The following CELF4 variants were observed in gnomAD, a reference collection of about 807,000 sequenced individuals.
CELF4 encodes CUGBP Elav-like family member 4, also known as CUG-BP- and ETR-3-like factor 4.
In CELF4, 18 loss-of-function variants were observed where a neutral mutation model predicts 59.9. The ratio of observed to expected loss-of-function variants is 0.30; its 90% CI spans 0.21 to 0.45. The LOEUF is 0.45. Ranked by LOEUF, CELF4 falls within the 20% of genes least tolerant of loss-of-function variation. The pLI is 1.00. For synonymous variants in CELF4, 261 were observed against 267.1 expected (o/e 0.98, Z 0.22); for missense variants, 456 against 689.0 (o/e 0.66, Z 3.79).
chr18:37,550,391 C>T (rs1177437872), intron 1 of CELF4, among the ~76,000 whole-genome samples: 1 of 152,158 alleles, frequency 6.6e-6, no homozygotes, highest in Non-Finnish European at 1.5e-5. Context: ...GAAAGCCACA[C>T]ATCCCACCCA....
At chr18:37,431,186 G>A (rs915745416) in intron 2 of CELF4, among the ~76,000 whole-genome samples, 5 of 152,214 alleles carry the variant, frequency 3.3e-5, no homozygotes, top group South Asian at 4.2e-4. Context: ...ACTCCCTGGC[G>A]TACAGTAGGT....
At chr18:37,328,150 C>T (rs1449106912) in intron 2 of CELF4, among the ~76,000 whole-genome samples, 2 of 152,242 alleles carry the variant, frequency 1.3e-5, no homozygotes, top group African/African-American at 2.4e-5. Flanking sequence ...CAGGACTGTG[C>T]TTCTTCCCTG....
intron 3 of CELF4, chr18:37,306,141 G>C (rs898401180): frequency 5.3e-5 from 8 of 152,248 alleles, no homozygotes; most frequent in East Asian, 1.9e-4. Flanking sequence ...GGGTCCTGGT[G>C]GGGGGCCAGG....
rs111880873 is a variant in CELF4, at chr18:37,457,874, G to T, written c.369+27651C>A. 4.3e-3 allele frequency among the ~76,000 whole-genome samples: 649 copies of T among 152,152 alleles called. 7 individuals carry two copies. The highest frequency in any genetic ancestry group is 0.032 in the South Asian group (154 of 4,814). ...TCCAGTCCTTTCTAGCATAATATCCGATGCTCCAAGGATCCAGCACAATCT... is the reference window on the plus strand; with the variant it reads ...TCCAGTCCTTTCTAGCATAATATCCTATGCTCCAAGGATCCAGCACAATCT... On this transcript the variant is annotated intron_variant, in intron 2 of 12. Coordinates refer to ENST00000420428, the MANE Select transcript of CELF4 (RefSeq NM_020180.4).
At chr18:37,543,780 G>A (rs1452663500) in intron 1 of CELF4, among the ~76,000 whole-genome samples, 1 of 152,166 alleles carries the variant, frequency 6.6e-6, no homozygotes, top group Non-Finnish European at 1.5e-5. Context: ...ACTTAGTATT[G>A]AAAAAACAAC....
At chr18:37,379,158 T>C (rs528650767) in intron 2 of CELF4, among the ~76,000 whole-genome samples, 1 of 152,280 alleles carries the variant, frequency 6.6e-6, no homozygotes, top group East Asian at 1.9e-4. Context: ...GGGCCTGGCC[T>C]AGGCAGGCAC....
intron 2 of CELF4, among the ~76,000 whole-genome samples, chr18:37,464,437 G>T (rs921432082): frequency 2.0e-5 from 3 of 152,182 alleles, no homozygotes; most frequent in Non-Finnish European, 4.4e-5. Flanking sequence ...GCTGCAGAAT[G>T]ACTCAGGCAG....
intron 3 of CELF4, among the ~76,000 whole-genome samples, chr18:37,281,690 T>TG (rs113864339): frequency 0.023 from 3,451 of 152,298 alleles, 150 homozygotes; most frequent in African/African-American, 0.079. Context: ...TTGGAGTCTT[T>TG]GGTCTTGGGG....
rs536468155 is a variant in CELF4 at position 37,508,631 on chromosome 18, A to C, written c.287-23024T>G. Among the ~76,000 whole-genome samples, 3 of 152,366 alleles carry C rather than the reference A, an allele frequency of 2.0e-5. No homozygotes were observed. In the South Asian group the frequency reaches 6.2e-4, roughly 32 times the overall value. On this transcript the variant is annotated intron_variant, in intron 1 of 12. Coordinates refer to ENST00000420428, the MANE Select transcript of CELF4 (RefSeq NM_020180.4). Reference sequence around the variant, plus strand: ...TGCCACAGGTGCAGCTGCAGGGGACATGAGACAGCTGCTCCCATCACATCT... The same window carrying C: ...TGCCACAGGTGCAGCTGCAGGGGACCTGAGACAGCTGCTCCCATCACATCT...
chr18:37,320,335 C>CAA (rs397858112), intron 3 of CELF4, among the ~76,000 whole-genome samples: 15 of 65,146 alleles, frequency 2.3e-4, no homozygotes, highest in South Asian at 6.2e-4. Context: ...GACTCCATCT[C>CAA]AAAAAAAAAA....
chr18:37,390,260 G>A (rs1306609610), intron 2 of CELF4, among the ~76,000 whole-genome samples: 2 of 152,170 alleles, frequency 1.3e-5, no homozygotes, highest in Non-Finnish European at 2.9e-5. Context: ...TTCTCCACTT[G>A]ATTCTTCCTC....
chr18:37,500,755 T>C lies in CELF4; in HGVS notation c.287-15148A>G, dbSNP rs148139249. On this transcript the variant is annotated intron_variant, in intron 1 of 12. Transcript: ENST00000420428. ...TTCACTGTGTTAGCCAGGATGGTCT[T>C]GATCTGCTGACCTCGTGATCCACCC... Among the ~76,000 whole-genome samples, 10 of 152,102 alleles carry C rather than the reference T, an allele frequency of 6.6e-5. No individual in the cohort carries two copies. In the East Asian group the frequency reaches 7.8e-4, roughly 12 times the overall value.
At chr18:37,362,461 G>A (rs1262085402) in intron 2 of CELF4, among the ~76,000 whole-genome samples, 1 of 152,158 alleles carries the variant, frequency 6.6e-6, no homozygotes, top group Non-Finnish European at 1.5e-5. Flanking sequence ...CGGCTGTGGG[G>A]CTCCTAGGAC....
At chr18:37,504,926 T>G (rs1363502648) in intron 1 of CELF4, among the ~76,000 whole-genome samples, 1 of 152,206 alleles carries the variant, frequency 6.6e-6, no homozygotes, top group East Asian at 1.9e-4. Context: ...ACAAACAATT[T>G]GAGGGCCAGT....
intron 10 of CELF4, among the ~76,000 whole-genome samples, chr18:37,260,652 C>T (rs1042697534): frequency 5.9e-5 from 9 of 152,334 alleles, no homozygotes; most frequent in African/African-American, 1.9e-4. Flanking sequence ...AGTAAAGGTT[C>T]GATTTAGAGA....
At chr18:37,544,316 C>G (rs760630151) in intron 1 of CELF4, among the ~76,000 whole-genome samples, 54 of 152,108 alleles carry the variant, frequency 3.6e-4, no homozygotes, top group Non-Finnish European at 6.6e-4. Context: ...AGATTGAGGC[C>G]GACCAGTAGG....
chr18:37,545,125 G>A (rs2099980523), intron 1 of CELF4, among the ~76,000 whole-genome samples: 1 of 152,200 alleles, frequency 6.6e-6, no homozygotes, highest in Non-Finnish European at 1.5e-5. Flanking sequence ...TCAGCTGCAG[G>A]AAGACCGGGC....
At chr18:37,375,573 T>C (rs1379650844) in intron 2 of CELF4, among the ~76,000 whole-genome samples, 2 of 152,136 alleles carry the variant, frequency 1.3e-5, no homozygotes, top group Non-Finnish European at 2.9e-5. Flanking sequence ...CCCTGTGAGA[T>C]GGAAACTTAA....
intron 3 of CELF4, among the ~76,000 whole-genome samples, chr18:37,313,453 C>T (rs533123617): frequency 3.5e-4 from 53 of 152,270 alleles, no homozygotes; most frequent in Non-Finnish European, 6.8e-4. Context: ...TAAAGCGGGG[C>T]CAGCTTGCAC....
Sources: allele counts gnomAD v4.1 joint callset (sites outside exome capture counted in the v4.1 genomes callset), GRCh38; gene constraint gnomAD v4.1.1; transcripts MANE v1.5; gene names NCBI Gene and HGNC (gene_info 2026-07-23, HGNC 2026-07-21).